The following SPEF2 variants were observed in gnomAD, a reference collection of about 807,000 sequenced individuals.
The protein encoded by SPEF2 is sperm flagellar and cilia associated 2.
Under a neutral mutation model 224.6 loss-of-function variants are expected in SPEF2, and 187 were observed. The ratio of observed to expected loss-of-function variants is 0.83; its 90% CI spans 0.74 to 0.94. SPEF2 has a LOEUF of 0.94. SPEF2 is among the 40% of genes least tolerant of loss of function. SPEF2 has a pLI of 0.00. For synonymous variants in SPEF2, 715 were observed against 707.3 expected (o/e 1.01, Z -0.17); for missense variants, 2,170 against 2,135.6 (o/e 1.02, Z -0.32).
chr5:35,710,563 A>G (rs1740902427), intron 19 of SPEF2: 1 of 984,902 alleles, frequency 1.0e-6, no homozygotes, highest in Non-Finnish European at 1.2e-6. Context: ...CCTCCAAAAA[A>G]AAGAAAAGAA....
In SPEF2 at chr5:35,697,973, T is replaced by C. The variant is rs1470663279; in HGVS notation, c.2141+180T>C. On this transcript the variant is annotated intron_variant, in intron 15 of 36. Transcript: ENST00000356031. ...TGTGACTTACGTGCCTATATTCCGC[T>C]TCTTCTCCCATACCAAGCTTGACTT... The C allele has an allele frequency of 2.6e-5, 12 of 456,476 alleles. No homozygotes were observed. The South Asian group carries it at 3.7e-4, about 14-fold the overall frequency. 28.3% of individuals were successfully genotyped at this position (456,476 alleles called of 1,614,324 possible).
chr5:35,810,553 G>A (rs1278736432), intron 36 of SPEF2, among the ~76,000 whole-genome samples: 1 of 152,148 alleles, frequency 6.6e-6, no homozygotes, highest in Non-Finnish European at 1.5e-5. Context: ...GTTAACTGAA[G>A]TACTATTGGC....
rs1468482822 is a variant in SPEF2 at position 35,770,012 on chromosome 5, T to TGTGC, written c.3802-1594_3802-1593insCGTG. 5.8e-5 allele frequency among the ~76,000 whole-genome samples: 8 copies of TGTGC among 138,288 alleles called. No individual in the cohort carries two copies. The South Asian group carries it at 1.6e-3, about 27-fold the overall frequency. 90.7% of individuals were successfully genotyped at this position (138,288 alleles called of 152,430 possible). A position where few individuals can be genotyped will look rare whatever the true frequency, so the allele number is the denominator to read the frequency against. ...TAATGTGTGTGTGTGTGTGTGTGTG[T>TGTGC]GTGTGTGTGTGCATGTGCGTGTGTG... On this transcript the variant is annotated intron_variant, in intron 26 of 36. Transcript: ENST00000356031.
intron 24 of SPEF2, among the ~76,000 whole-genome samples, chr5:35,759,001 G>A (rs1750834425): frequency 5.3e-5 from 1 of 19,008 alleles, no homozygotes; most frequent in African/African-American, 2.5e-4. Context: ...GCAAGACTCT[G>A]TCTCAAAAAA....
Position 35,691,086 on chromosome 5 carries a change from C to T in SPEF2, c.1574C>T (p.Pro525Leu). 1.2e-6 allele frequency: 2 copies of T among 1,613,884 alleles called. No individual in the cohort carries two copies. Among genetic ancestry groups the T allele is most frequent in the African/African-American group, 1.3e-5 (1 of 74,994 alleles). The stretch of plus-strand genomic sequence containing the variant: ...CCAGAAGAAATGGTTGACAATTTAC[C>T]ACCCTCCAACAATTGCATACTGGGC... Reference protein sequence around the residue: ...ALPEEMVDNLPPSNNCILGHI... With the variant: ...ALPEEMVDNLLPSNNCILGHI... Residue 525 changes from proline (P) to leucine (L), a missense_variant, in exon 11 of 37, where the codon CCA becomes CTA. Pro to Leu is a moderately conservative substitution (Grantham distance 98). Coordinates refer to ENST00000356031, the MANE Select transcript of SPEF2 (RefSeq NM_024867.4).
In SPEF2 at chr5:35,635,438, A is replaced by G. The variant is rs562331130; in HGVS notation, c.162-5993A>G. On this transcript the variant is annotated intron_variant, in intron 2 of 36. Transcript: ENST00000356031. ...TTACCCTGAGATAACTTTACCATGA[A>G]ATATCTTGCTTTTATTATTGTTTTT... 4.6e-5 allele frequency among the ~76,000 whole-genome samples: 7 copies of G among 152,246 alleles called. No individual in the cohort carries two copies. In the Middle Eastern group the frequency reaches 0.01, roughly 222 times the overall value.
chr5:35,780,251 T>A (rs918965681), intron 30 of SPEF2, among the ~76,000 whole-genome samples: 1 of 152,236 alleles, frequency 6.6e-6, no homozygotes, highest in Admixed American at 6.5e-5. Flanking sequence ...ATTAATACAA[T>A]GTTACTTTTT....
chr5:35,619,943 G>A (rs1029965937), intron 1 of SPEF2, among the ~76,000 whole-genome samples: 19 of 152,126 alleles, frequency 1.2e-4, no homozygotes, highest in African/African-American at 3.4e-4. Context: ...AATTCCTGGC[G>A]TCTGTGCTCC....
At chr5:35,619,044 T>C (rs1286010125) in intron 1 of SPEF2, among the ~76,000 whole-genome samples, 1 of 152,172 alleles carries the variant, frequency 6.6e-6, no homozygotes, top group Non-Finnish European at 1.5e-5. Flanking sequence ...GGGTGCAAAG[T>C]AGTTATTAAT....
At chr5:35,777,935 C>T (rs1419749427) in intron 29 of SPEF2, among the ~76,000 whole-genome samples, 1 of 152,102 alleles carries the variant, frequency 6.6e-6, no homozygotes. Flanking sequence ...TCCTCACTCA[C>T]GTAAACTCAG....
intron 20 of SPEF2, among the ~76,000 whole-genome samples, chr5:35,714,266 G>A (rs1038849744): frequency 2.0e-5 from 3 of 151,260 alleles, no homozygotes; most frequent in Middle Eastern, 6.9e-3. Flanking sequence ...AAAGAGTAAA[G>A]AGAACCTTGC....
At chr5:35,741,442 A>T (rs1034591526) in intron 23 of SPEF2, among the ~76,000 whole-genome samples, 4 of 152,202 alleles carry the variant, frequency 2.6e-5, no homozygotes, top group African/African-American at 9.7e-5. Flanking sequence ...AACAGCAAGG[A>T]GGCTGGTATG....
intron 23 of SPEF2, among the ~76,000 whole-genome samples, chr5:35,751,705 A>G (rs1749682565): frequency 1.3e-5 from 2 of 152,208 alleles, no homozygotes; most frequent in Admixed American, 1.3e-4. Context: ...GTAAGAATTC[A>G]AAAACAAAGT....
At chr5:35,704,071 T>G (rs990799538) in intron 16 of SPEF2, among the ~76,000 whole-genome samples, 3 of 152,196 alleles carry the variant, frequency 2.0e-5, no homozygotes, top group Non-Finnish European at 2.9e-5. Flanking sequence ...GTTTTTGGTC[T>G]CTTTGGGTCT....
At chr5:35,633,094 A>C (rs1745355845) in intron 2 of SPEF2, 1 of 152,174 alleles carries the variant, frequency 6.6e-6, no homozygotes, top group South Asian at 2.1e-4. Flanking sequence ...GCACTTGAAG[A>C]GAATGTATAT....
chr5:35,645,380 A>G (rs1417333847), intron 4 of SPEF2, among the ~76,000 whole-genome samples: 1 of 152,148 alleles, frequency 6.6e-6, no homozygotes, highest in African/African-American at 2.4e-5. Context: ...CCTCTAAATA[A>G]CTCTCAGCTT....
In SPEF2 at chr5:35,776,395, G is replaced by A. The variant is rs1753614210; in HGVS notation, c.4217G>A (p.Ser1406Asn). 6.2e-7 allele frequency: 1 copy of A among 1,604,692 alleles called. No homozygotes were observed. Among genetic ancestry groups the A allele is most frequent in the Non-Finnish European group, 8.5e-7 (1 of 1,176,748 alleles). ...GAGAGGTATTTGAATGAAATGGCCAGGTAAAGTACTACATGACTTTCTGAA... is the reference window on the plus strand; with the variant it reads ...GAGAGGTATTTGAATGAAATGGCCAAGTAAAGTACTACATGACTTTCTGAA... ...LGERYLNEMA[S>N]TEKLTDVARY... Residue 1406 changes from serine (S) to asparagine (N), a missense_variant and splice_region_variant, in exon 29 of 37, where the codon AGT becomes AAT. Transcript: ENST00000356031.
chr5:35,716,144 T>C (rs10079960), intron 20 of SPEF2, among the ~76,000 whole-genome samples: 5,956 of 151,964 alleles, frequency 0.039, 193 homozygotes, highest in African/African-American at 0.075. Context: ...CATTCTCAAA[T>C]GTCCAAACAT....
At chr5:35,692,335 C>A (rs1377194194) in intron 11 of SPEF2, among the ~76,000 whole-genome samples, 1 of 152,086 alleles carries the variant, frequency 6.6e-6, no homozygotes, top group African/African-American at 2.4e-5. Flanking sequence ...TGCTTGAACC[C>A]AGGAGACGGA....
Sources: allele counts gnomAD v4.1 joint callset (sites outside exome capture counted in the v4.1 genomes callset), GRCh38; gene constraint gnomAD v4.1.1; transcripts MANE v1.5; gene names NCBI Gene and HGNC (gene_info 2026-07-23, HGNC 2026-07-21).